NCKAP5: variants seen among roughly 807,000 people sequenced by gnomAD.
The protein encoded by NCKAP5 is nck-associated protein 5.
NCKAP5 carries 92 observed loss-of-function variants against 167.0 expected under a neutral mutation model. That is an observed-to-expected ratio of 0.55 (90% CI 0.47 to 0.66). The LOEUF (loss-of-function observed/expected upper bound fraction) is 0.66, where lower values mean the gene tolerates loss of function less well. Among genes scored for constraint, NCKAP5 ranks in the 30% least tolerant of loss-of-function variants. The pLI, the probability that NCKAP5 is intolerant of heterozygous loss-of-function variation, is 0.00. For synonymous variants in NCKAP5, 891 were observed against 877.4 expected (o/e 1.02, Z -0.27); for missense variants, 2,378 against 2,315.0 (o/e 1.03, Z -0.56).
Position 133,505,372 on chromosome 2 carries a change from C to CATATAT in NCKAP5, c.69+12080_69+12085dup, listed in dbSNP as rs143893267. ...GATATGCTATTCCACTTTTAAACATCATATATATATATATGTAAACCAAAC... is the reference window on the plus strand; with the variant it reads ...GATATGCTATTCCACTTTTAAACATCATATATATATATATATATATGTAAACCAAAC... On this transcript the variant is annotated intron_variant, in intron 3 of 19. Coordinates refer to ENST00000409261, the MANE Select transcript of NCKAP5 (RefSeq NM_207363.3). Among the ~76,000 whole-genome samples the CATATAT allele has an allele frequency of 5.6e-3, 839 of 151,034 alleles. 18 individuals are homozygous for CATATAT. In the East Asian group the frequency reaches 0.067, roughly 12 times the overall value.
rs560954832 is a variant in NCKAP5, at chr2:132,698,487, G to A, written c.5714-25182C>T. ...GGGAATGATAAGGGGTAACTGTAAA[G>A]CCATGTGTGATCTTAAGACTAGCAC... is the stretch of plus-strand genomic sequence containing the variant. On this transcript the variant is annotated intron_variant, in intron 19 of 19. Transcript: ENST00000409261. Among the ~76,000 whole-genome samples the A allele has an allele frequency of 3.3e-5, 5 of 152,198 alleles. No individual in the cohort carries two copies. In the South Asian group the frequency reaches 8.3e-4, roughly 25 times the overall value.
intron 3 of NCKAP5, among the ~76,000 whole-genome samples, chr2:133,504,861 T>C (rs978892611): frequency 6.6e-6 from 1 of 152,136 alleles, no homozygotes; most frequent in Admixed American, 6.6e-5. Context: ...CTGAGTCTTT[T>C]TTCCCCCTAT....
intron 3 of NCKAP5, among the ~76,000 whole-genome samples, chr2:133,406,760 C>A (rs1688462929): frequency 6.6e-6 from 1 of 152,318 alleles, no homozygotes; most frequent in South Asian, 2.1e-4. Context: ...ACAGACTCAG[C>A]CAGACACTGT....
chr2:133,422,958 G>T (rs931523593), intron 3 of NCKAP5, among the ~76,000 whole-genome samples: 5 of 151,978 alleles, frequency 3.3e-5, no homozygotes, highest in African/African-American at 1.2e-4. Context: ...CCCCACCACC[G>T]GGAAGCCTAA....
the NCKAP5 span, among the ~76,000 whole-genome samples, chr2:133,651,620 C>A: frequency 6.6e-6 from 1 of 152,046 alleles, no homozygotes; most frequent in African/African-American, 2.4e-5. Context: ...CCTCAAAAAT[C>A]AAAAAATAGA....
chr2:132,674,258 G>T (rs1198652699), intron 19 of NCKAP5, among the ~76,000 whole-genome samples: 1 of 151,860 alleles, frequency 6.6e-6, no homozygotes, highest in Non-Finnish European at 1.5e-5. Context: ...CATCCACTAG[G>T]TAAAAGACAC....
At chr2:133,304,406 T>C (rs1680624959) in intron 3 of NCKAP5, among the ~76,000 whole-genome samples, 2 of 152,226 alleles carry the variant, frequency 1.3e-5, no homozygotes. Context: ...CTGTTATAGA[T>C]AATTAGCTAA....
chr2:133,300,403 A>G (rs1489636494), intron 4 of NCKAP5, among the ~76,000 whole-genome samples: 1 of 118,488 alleles, frequency 8.4e-6, no homozygotes, highest in Admixed American at 8.0e-5. Context: ...AACCGAATCC[A>G]GCAGCACATC....
intron 3 of NCKAP5, among the ~76,000 whole-genome samples, chr2:133,408,758 C>G (rs1270346470): frequency 6.6e-6 from 1 of 152,226 alleles, no homozygotes; most frequent in African/African-American, 2.4e-5. Context: ...GGTGTGCCAG[C>G]CACTGGCAGA....
At chr2:132,698,824 A>T (rs1687583772) in intron 19 of NCKAP5, among the ~76,000 whole-genome samples, 1 of 151,954 alleles carries the variant, frequency 6.6e-6, no homozygotes, top group African/African-American at 2.4e-5. Context: ...ACAGAGAGAA[A>T]CTCTGTCTCA....
intron 6 of NCKAP5, among the ~76,000 whole-genome samples, chr2:133,048,965 C>T (rs995350056): frequency 1.3e-5 from 2 of 152,136 alleles, no homozygotes; most frequent in Non-Finnish European, 2.9e-5. Context: ...ATCTCATGCT[C>T]TTTTCTGGAT....
chr2:133,535,892 A>T (rs1897427), intron 2 of NCKAP5, among the ~76,000 whole-genome samples: 89,680 of 152,022 alleles, frequency 0.59, 27,957 homozygotes, highest in East Asian at 0.95. Context: ...TGATAATTAG[A>T]GATGTTGAGC....
chr2:133,095,558 G>A (rs1036922053), intron 6 of NCKAP5, among the ~76,000 whole-genome samples: 1 of 152,306 alleles, frequency 6.6e-6, no homozygotes, highest in Non-Finnish European at 1.5e-5. Flanking sequence ...ACCCCGCATG[G>A]CAGGGGTGCA....
intron 6 of NCKAP5, among the ~76,000 whole-genome samples, chr2:133,078,943 G>A (rs2080709316): frequency 6.6e-6 from 1 of 152,098 alleles, no homozygotes; most frequent in African/African-American, 2.4e-5. Flanking sequence ...ATGAAAGAGA[G>A]AAGGAAGACA....
intron 19 of NCKAP5, among the ~76,000 whole-genome samples, chr2:132,681,011 A>G (rs1685154964): frequency 6.6e-6 from 1 of 152,150 alleles, no homozygotes; most frequent in South Asian, 2.1e-4. Context: ...TTTCTCCAAA[A>G]GTAAAATGTG....
chr2:132,783,991 C>A lies in NCKAP5; in HGVS notation c.2820G>T (p.Leu940=). 1 of 1,592,942 alleles carries A rather than the reference C, an allele frequency of 6.3e-7. No homozygotes were observed. The highest frequency in any genetic ancestry group is 8.5e-7 in the Non-Finnish European group (1 of 1,171,684). Residue 940 remains leucine (L), a synonymous_variant, in exon 14 of 20, where the codon CTG becomes CTT. Coordinates refer to ENST00000409261, the MANE Select transcript of NCKAP5 (RefSeq NM_207363.3). Reference sequence around the variant, plus strand: ...GTGAATAGTCATAGCTGGGCCTGGCCAGCAGGGAGACGGACCTGCCTGGAG... The same window carrying A: ...GTGAATAGTCATAGCTGGGCCTGGCAAGCAGGGAGACGGACCTGCCTGGAG... ...PPPPGRSVSL[L]ARPSYDYSPA...
intron 2 of NCKAP5, among the ~76,000 whole-genome samples, chr2:133,528,832 G>T (rs898832734): frequency 6.6e-6 from 1 of 152,142 alleles, no homozygotes. Context: ...TCTAAGACAG[G>T]CCTCACTAGG....
At chr2:133,497,507 C>T (rs1465275383) in intron 3 of NCKAP5, among the ~76,000 whole-genome samples, 1 of 152,186 alleles carries the variant, frequency 6.6e-6, no homozygotes, top group Non-Finnish European at 1.5e-5. Flanking sequence ...TACCACAGAG[C>T]ATCCCATTAG....
At chr2:132,907,054 G>T (rs1694059811) in intron 8 of NCKAP5, among the ~76,000 whole-genome samples, 1 of 152,106 alleles carries the variant, frequency 6.6e-6, no homozygotes, top group Non-Finnish European at 1.5e-5. Context: ...AATTCCAAAA[G>T]AATATTTTAA....
Sources: gnomAD v4.1 joint callset for allele counts (sites outside exome capture counted in the v4.1 genomes callset) on GRCh38, gnomAD v4.1.1 for gene constraint, MANE v1.5 for transcripts, NCBI Gene and HGNC (gene_info 2026-07-23, HGNC 2026-07-21) for gene names.